The following ADAMTSL3 variants were observed in gnomAD, a reference collection of about 807,000 sequenced individuals.
The protein encoded by ADAMTSL3 is ADAMTS-like protein 3.
Under a neutral mutation model 201.7 loss-of-function variants are expected in ADAMTSL3, and 128 were observed. That is an observed-to-expected ratio of 0.63 (90% CI 0.55 to 0.73). ADAMTSL3 has a LOEUF of 0.73. Among genes scored for constraint, ADAMTSL3 ranks in the 30% least tolerant of loss-of-function variants. ADAMTSL3 has a pLI of 0.00. For synonymous variants in ADAMTSL3, 738 were observed against 748.4 expected (o/e 0.99, Z 0.23); for missense variants, 1,990 against 2,119.6 (o/e 0.94, Z 1.20).
At chr15:83,960,623 AAAG>A (rs1387305686) in intron 19 of ADAMTSL3, among the ~76,000 whole-genome samples, 6 of 152,142 alleles carry the variant, frequency 3.9e-5, no homozygotes, top group Non-Finnish European at 8.8e-5. Context: ...AAGTGGTATG[AAAG>A]AAGGAGGGGG....
intron 3 of ADAMTSL3, among the ~76,000 whole-genome samples, chr15:83,761,019 C>T (rs1428548287): frequency 6.6e-6 from 1 of 152,128 alleles, no homozygotes; most frequent in African/African-American, 2.4e-5. Context: ...ATTTATCCAT[C>T]TGCCTACATT....
intron 3 of ADAMTSL3, among the ~76,000 whole-genome samples, chr15:83,735,383 G>T (rs2062354021): frequency 6.6e-6 from 1 of 152,094 alleles, no homozygotes. Flanking sequence ...TAACACAACT[G>T]TTCCTTATTT....
intron 2 of ADAMTSL3, among the ~76,000 whole-genome samples, chr15:83,675,966 C>A (rs1343646783): frequency 6.6e-6 from 1 of 151,992 alleles, no homozygotes; most frequent in East Asian, 1.9e-4. Flanking sequence ...TTGAAGTTTG[C>A]ATTTTTTCTC....
intron 4 of ADAMTSL3, among the ~76,000 whole-genome samples, chr15:83,793,283 G>C (rs1404724836): frequency 6.6e-6 from 1 of 152,202 alleles, no homozygotes; most frequent in Non-Finnish European, 1.5e-5. Flanking sequence ...CAGTGTCATT[G>C]TAGTTAATAT....
At position 83,968,950 on chromosome 15, in the gene ADAMTSL3, C is replaced by A. The variant is rs150561513; in HGVS notation, c.2491-1534C>A. Among the ~76,000 whole-genome samples the A allele has an allele frequency of 6.9e-4, 105 of 151,944 alleles. 1 individual carries two copies. The East Asian group carries it at 0.016, about 23-fold the overall frequency. ...TTCTCACTCTTAAGTGGGAGTTGAA[C>A]AATGAGAACACATGGACGCAGGAAG... On this transcript the variant is annotated intron_variant, in intron 19 of 29. Transcript: ENST00000286744.
intron 8 of ADAMTSL3, among the ~76,000 whole-genome samples, chr15:83,864,533 T>A (rs1345741065): frequency 6.6e-6 from 1 of 152,180 alleles, no homozygotes; most frequent in Non-Finnish European, 1.5e-5. Context: ...TCTCAATAGA[T>A]GCAGAAAAAG....
chr15:83,689,104 T>C (rs948677737), intron 2 of ADAMTSL3, among the ~76,000 whole-genome samples: 28 of 152,260 alleles, frequency 1.8e-4, no homozygotes, highest in African/African-American at 6.3e-4. Flanking sequence ...ATTACAGGTG[T>C]GAGCCACTGC....
intron 9 of ADAMTSL3, among the ~76,000 whole-genome samples, chr15:83,884,656 C>T (rs965104263): frequency 6.6e-6 from 1 of 152,058 alleles, no homozygotes; most frequent in African/African-American, 2.4e-5. Context: ...AGTTGTGCTT[C>T]TAGAAGAATT....
In ADAMTSL3 at chr15:83,838,158, G is replaced by C. The variant is rs769365770; in HGVS notation, c.670G>C (p.Gly224Arg). Residue 224 changes from glycine to arginine, a missense_variant, in exon 7 of 30, where the codon GGC becomes CGC. Gly to Arg is a moderately radical substitution (Grantham distance 125). Transcript: ENST00000286744. ...CAACTGTGGAGTCTGTGCCGGCGAT[G>C]GCTCCACCTGCAGGCTTGTACGGGG... ...EDNCGVCAGDGSTCRLVRGQS... is the reference protein window; with the variant it reads ...EDNCGVCAGDRSTCRLVRGQS... 23 of 1,613,102 alleles carry C rather than the reference G, an allele frequency of 1.4e-5. No individual in the cohort carries two copies. Among genetic ancestry groups the C allele is most frequent in the Non-Finnish European group, 1.9e-5 (22 of 1,179,682 alleles).
chr15:83,797,499 G>A (rs528372024), intron 4 of ADAMTSL3, among the ~76,000 whole-genome samples: 7 of 152,180 alleles, frequency 4.6e-5, no homozygotes. Context: ...TACTCGGAAG[G>A]CTGAGACACA....
Position 83,892,858 on chromosome 15 carries a change from C to T in ADAMTSL3, c.1437C>T (p.Cys479=). The T allele has an allele frequency of 6.2e-7, 1 of 1,614,012 alleles. No homozygotes were observed. The highest frequency in any genetic ancestry group is 8.5e-7 in the Non-Finnish European group (1 of 1,180,000). Residue 479 remains cysteine (C), a synonymous_variant, in exon 13 of 30, where the codon TGC becomes TGT. Coordinates refer to ENST00000286744, the MANE Select transcript of ADAMTSL3 (RefSeq NM_207517.3). ...TGCAAACTTGTAATCTGTTTGATTG[C>T]CCCAAGTGGATTGCCATGGAGTGGT... ...KVMQTCNLFD[C]PKWIAMEWSQ...
At chr15:83,714,687 T>A (rs953143351) in intron 3 of ADAMTSL3, among the ~76,000 whole-genome samples, 1 of 135,682 alleles carries the variant, frequency 7.4e-6, no homozygotes, top group South Asian at 2.7e-4. Context: ...CTCCCTCCCT[T>A]CCTCCCTTCC....
rs191956130 is a variant in ADAMTSL3 at position 83,717,274 on chromosome 15, T to C, written c.189+12766T>C. On this transcript the variant is annotated intron_variant, in intron 3 of 29. Coordinates refer to ENST00000286744, the MANE Select transcript of ADAMTSL3 (RefSeq NM_207517.3). ...GAGATAGAATTGTATCCAAAGTAATTCCTGCAATTTCAATCTTGAAACTAG... is the reference window on the plus strand; with the variant it reads ...GAGATAGAATTGTATCCAAAGTAATCCCTGCAATTTCAATCTTGAAACTAG... Among the ~76,000 whole-genome samples, 27 of 152,330 alleles carry C rather than the reference T, an allele frequency of 1.8e-4. No homozygotes were observed. The East Asian group carries it at 4.2e-3, about 24-fold the overall frequency.
intron 16 of ADAMTSL3, among the ~76,000 whole-genome samples, chr15:83,923,541 T>A (rs530195258): frequency 6.6e-6 from 1 of 152,206 alleles, no homozygotes; most frequent in Non-Finnish European, 1.5e-5. Flanking sequence ...TGTGACTGTT[T>A]GGAAGGAACA....
At chr15:83,733,325 G>A (rs1323978997) in intron 3 of ADAMTSL3, among the ~76,000 whole-genome samples, 1 of 152,128 alleles carries the variant, frequency 6.6e-6, no homozygotes, top group Non-Finnish European at 1.5e-5. Flanking sequence ...TGATACTATC[G>A]TAGAGGTGTT....
At position 83,988,680 on chromosome 15, in the gene ADAMTSL3, C is replaced by A; in HGVS notation, c.3717-11C>A. ...TTATATGAATGTGTCGTCTTTCTAA[C>A]TGTTCTACAGAATAATTTTGGATGG... On this transcript the variant is annotated splice_polypyrimidine_tract_variant and intron_variant, in intron 21 of 29. Transcript: ENST00000286744. 1 of 1,584,156 alleles carries A rather than the reference C, an allele frequency of 6.3e-7. No individual in the cohort carries two copies.
chr15:83,654,422 G>A lies in ADAMTSL3; in HGVS notation c.-34+146G>A, dbSNP rs1041773977. The A allele has an allele frequency of 6.5e-6, 1 of 152,824 alleles. No individual in the cohort carries two copies. The highest frequency in any genetic ancestry group is 2.4e-5 in the African/African-American group (1 of 41,428). 9.5% of individuals were successfully genotyped at this position (152,824 alleles called of 1,614,324 possible). ...CGGGGCGTGCCACGCGGGCCCCAGG[G>A]GGCCTCAGGACTGGGGTGCTCCTCA... On this transcript the variant is annotated intron_variant, in intron 1 of 29. Coordinates refer to ENST00000286744, the MANE Select transcript of ADAMTSL3 (RefSeq NM_207517.3). The surrounding 1 kb of genome is among the most constrained non-coding windows in gnomAD (Gnocchi z 5.3).
chr15:84,037,721 A>G lies in ADAMTSL3; in HGVS notation c.4991A>G (p.His1664Arg). 1 of 1,610,844 alleles carries G rather than the reference A, an allele frequency of 6.2e-7. No homozygotes were observed. Among genetic ancestry groups the G allele is most frequent in the Non-Finnish European group, 8.5e-7 (1 of 1,179,094 alleles). The change falls in exon 30 of 30, where the codon CAC becomes CGC. Residue 1664 changes from histidine to arginine, a missense_variant. Transcript: ENST00000286744. ...SCDRDCTDTTHYCMFVKHLNL... is the reference protein window; with the variant it reads ...SCDRDCTDTTRYCMFVKHLNL... ...GCAGGAGACTGCACAGACACAACTC[A>G]CTACTGTATGTTTGTAAAACATCTT... is the stretch of plus-strand genomic sequence containing the variant.
chr15:83,886,584 C>G (rs887119298), intron 10 of ADAMTSL3, among the ~76,000 whole-genome samples: 1 of 152,120 alleles, frequency 6.6e-6, no homozygotes, highest in African/African-American at 2.4e-5. Flanking sequence ...CCTACTACAC[C>G]TGGGACCAGA....
Sources: allele counts gnomAD v4.1 joint callset (sites outside exome capture counted in the v4.1 genomes callset), GRCh38; gene constraint gnomAD v4.1.1; non-coding constraint Gnocchi (gnomAD v3.1); transcripts MANE v1.5; gene names NCBI Gene and HGNC (gene_info 2026-07-23, HGNC 2026-07-21).